Variants in PCDHGA7 observed in about 807,000 individuals in gnomAD.
The protein encoded by PCDHGA7 is protocadherin gamma subfamily A, 7, also known as protocadherin gamma-A7.
Under a neutral mutation model 58.3 loss-of-function variants are expected in PCDHGA7, and 44 were observed. The ratio of observed to expected loss-of-function variants is 0.75; its 90% CI spans 0.59 to 0.97. PCDHGA7 has a LOEUF of 0.97. Among genes scored for constraint, PCDHGA7 ranks in the 50% least tolerant of loss-of-function variants. The pLI is 0.00. For missense variants in PCDHGA7, 1,266 were observed against 1,188.7 expected, an observed-to-expected ratio of 1.06 and a Z score of -0.96; for synonymous variants, 516 against 504.2, an observed-to-expected ratio of 1.02 and a Z score of -0.31.
chr5:141,414,236 C>T, intron 1 of PCDHGA7: 1 of 1,613,456 alleles, frequency 6.2e-7, no homozygotes. Flanking sequence ...CTGACCATCA[C>T]GTCTCTATTT....
rs1286991812 is a variant in PCDHGA7 at position 141,432,170 on chromosome 5, C to T, written c.2424+46847C>T. The T allele has an allele frequency of 1.2e-6, 2 of 1,614,072 alleles. No homozygotes were observed. The highest frequency in any genetic ancestry group is 1.7e-6 in the Non-Finnish European group (2 of 1,180,036). ...AGAGAACAATCCCAGAGGAGTTTCC[C>T]TCGTCTCTGTGACCGCCCACGACCC... On this transcript the variant is annotated intron_variant, in intron 1 of 3. Coordinates refer to ENST00000518325, the MANE Select transcript of PCDHGA7 (RefSeq NM_018920.4). This position sits in a 1 kb window ranked among gnomAD's most constrained non-coding sequence, Gnocchi z 6.0.
In PCDHGA7 at chr5:141,511,502, A is replaced by G. The variant is rs953158220; in HGVS notation, c.*329A>G. ...CTGAACTCCTCCATCTTCCAAATCAATCAGGCCCATCCATCCCATGCCTCC... is the reference window on the plus strand; with the variant it reads ...CTGAACTCCTCCATCTTCCAAATCAGTCAGGCCCATCCATCCCATGCCTCC... On this transcript the variant is annotated 3_prime_UTR_variant, in exon 4 of 4. Transcript: ENST00000518325. The G allele has an allele frequency of 1.3e-5, 5 of 395,150 alleles. No homozygotes were observed. Among genetic ancestry groups the G allele is most frequent in the African/African-American group, 1.0e-4 (5 of 48,770 alleles). The allele number at this position is 395,150 out of a possible 1,614,324, so 24.5% of individuals were successfully genotyped here.
intron 3 of PCDHGA7, among the ~76,000 whole-genome samples, chr5:141,509,347 C>A (rs755234053): frequency 2.6e-5 from 4 of 152,142 alleles, no homozygotes; most frequent in Non-Finnish European, 5.9e-5. Context: ...CCTGGGCTGG[C>A]CTGGGCATCC....
chr5:141,505,155 C>T (rs2099844224), intron 2 of PCDHGA7, among the ~76,000 whole-genome samples: 1 of 152,162 alleles, frequency 6.6e-6, no homozygotes, highest in Non-Finnish European at 1.5e-5. Context: ...GAGTAAGACC[C>T]TGTCTAAAAC....
intron 1 of PCDHGA7, chr5:141,392,827 A>G: frequency 2.5e-6 from 4 of 1,601,944 alleles, no homozygotes; most frequent in Non-Finnish European, 3.4e-6. Flanking sequence ...GCCGCTCCAC[A>G]GAGTCGCCCC....
intron 1 of PCDHGA7, among the ~76,000 whole-genome samples, chr5:141,435,175 C>T (rs1199067294): frequency 6.6e-6 from 1 of 152,030 alleles, no homozygotes; most frequent in East Asian, 1.9e-4. Context: ...TGGCTTTTAA[C>T]TACACTTGAG....
intron 1 of PCDHGA7, among the ~76,000 whole-genome samples, chr5:141,438,339 AGGATC>A (rs1013025873): frequency 1.6e-4 from 25 of 151,944 alleles, no homozygotes; most frequent in Non-Finnish European, 1.9e-4. Flanking sequence ...ATGTCATATA[AGGATC>A]TACTCTGTGT....
At chr5:141,480,738 T>C (rs2099524955) in intron 1 of PCDHGA7, among the ~76,000 whole-genome samples, 1 of 152,124 alleles carries the variant, frequency 6.6e-6, no homozygotes, top group Admixed American at 6.5e-5. Flanking sequence ...GGGTGGGACA[T>C]AGGCATCATT....
At chr5:141,441,871 G>A (rs1020432020) in intron 1 of PCDHGA7, 3 of 340,480 alleles carry the variant, frequency 8.8e-6, no homozygotes, top group Admixed American at 8.1e-5. Context: ...CGCGGAGCCT[G>A]GCTACCTGGT....
intron 1 of PCDHGA7, chr5:141,423,620 C>G: frequency 6.2e-7 from 1 of 1,608,268 alleles, no homozygotes; most frequent in Non-Finnish European, 8.5e-7. Flanking sequence ...GCTGAAGACT[C>G]AGCTATCATT....
intron 1 of PCDHGA7, chr5:141,388,571 C>G: frequency 9.3e-6 from 15 of 1,613,830 alleles, no homozygotes; most frequent in Non-Finnish European, 1.2e-5. Flanking sequence ...CACAGATACA[C>G]GTTCTAGTGA....
intron 1 of PCDHGA7, among the ~76,000 whole-genome samples, chr5:141,396,846 C>T (rs2093443938): frequency 6.6e-6 from 1 of 152,166 alleles, no homozygotes; most frequent in Admixed American, 6.5e-5. Flanking sequence ...TGGGAGTTAA[C>T]TTCATAGTTT....
In PCDHGA7 at chr5:141,389,747, G is replaced by C. The variant is rs766506538; in HGVS notation, c.2424+4424G>C. 6 of 1,612,724 alleles carry C rather than the reference G, an allele frequency of 3.7e-6. No individual in the cohort carries two copies. The South Asian group carries it at 4.4e-5, about 12-fold the overall frequency. ...GGCTCTTCAGCCTGGGGCTGCGCAC[G>C]GGCGAAGTGCGCACAGCGCGTGCCT... is the stretch of plus-strand genomic sequence containing the variant. On this transcript the variant is annotated intron_variant, in intron 1 of 3. Coordinates refer to ENST00000518325, the MANE Select transcript of PCDHGA7 (RefSeq NM_018920.4).
At chr5:141,408,857 G>A (rs372861749) in intron 1 of PCDHGA7, 4 of 1,613,542 alleles carry the variant, frequency 2.5e-6, no homozygotes, top group Non-Finnish European at 3.4e-6. Flanking sequence ...GGACGGAGGG[G>A]ACCCACCAAG....
chr5:141,409,706 T>A, intron 1 of PCDHGA7: 1 of 1,613,210 alleles, frequency 6.2e-7, no homozygotes, highest in Non-Finnish European at 8.5e-7. Context: ...CCTGGCGGTG[T>A]CGTCATACGT....
chr5:141,391,560 T>C (rs981712066), intron 1 of PCDHGA7: 2 of 152,242 alleles, frequency 1.3e-5, no homozygotes, highest in African/African-American at 4.8e-5. Context: ...GTTTTCCATA[T>C]GCATAAGAAA....
At chr5:141,406,083 T>C (rs539696065) in intron 1 of PCDHGA7, among the ~76,000 whole-genome samples, 2 of 151,900 alleles carry the variant, frequency 1.3e-5, no homozygotes, top group South Asian at 4.2e-4. Flanking sequence ...TTTTTTTTTT[T>C]TTTTAAGAGA....
rs200931939 is a variant in PCDHGA7, at chr5:141,423,096, C to T, written c.2424+37773C>T. On this transcript the variant is annotated intron_variant, in intron 1 of 3. Transcript: ENST00000518325. Reference sequence around the variant, plus strand: ...CGGGACTCTTCGCGGTGGGGGAGCACACGGGCGAGGTGCGTACAGCGCGGG... The same window carrying T: ...CGGGACTCTTCGCGGTGGGGGAGCATACGGGCGAGGTGCGTACAGCGCGGG... The T allele has an allele frequency of 3.8e-5, 61 of 1,613,974 alleles. No individual in the cohort carries two copies. In the East Asian group the frequency reaches 1.3e-3, roughly 35 times the overall value.
At position 141,394,666 on chromosome 5, in the gene PCDHGA7, C is replaced by T. The variant is rs1175831509; in HGVS notation, c.2424+9343C>T. 1.2e-6 allele frequency: 2 copies of T among 1,613,190 alleles called. No homozygotes were observed. ...AAGGCCAGCGAGCCGGGACTCTTCT[C>T]GGTGGGTCTGCACACGGGCGAGGTG... On this transcript the variant is annotated intron_variant, in intron 1 of 3. Transcript: ENST00000518325.
Sources: allele counts gnomAD v4.1 joint callset (sites outside exome capture counted in the v4.1 genomes callset), GRCh38; gene constraint gnomAD v4.1.1; non-coding constraint Gnocchi (gnomAD v3.1); transcripts MANE v1.5; gene names NCBI Gene and HGNC (gene_info 2026-07-23, HGNC 2026-07-21).